Variants in PPP2R2B observed in about 807,000 individuals in gnomAD.
The protein encoded by PPP2R2B is serine/threonine-protein phosphatase 2A 55 kDa regulatory subunit B beta isoform.
PPP2R2B carries 5 observed loss-of-function variants against 46.0 expected under a neutral mutation model. The observed-to-expected ratio is 0.11, with a 90% confidence interval of 0.06 to 0.23. PPP2R2B has a LOEUF of 0.23. Among genes scored for constraint, PPP2R2B ranks in the 10% least tolerant of loss-of-function variants. The pLI, the probability that PPP2R2B is intolerant of heterozygous loss-of-function variation, is 1.00. For synonymous variants in PPP2R2B, 215 were observed against 206.7 expected (o/e 1.04, Z -0.34); for missense variants, 367 against 575.0 (o/e 0.64, Z 3.70).
At chr5:146,743,338 T>C (rs1752991354) in intron 2 of PPP2R2B, among the ~76,000 whole-genome samples, 1 of 152,192 alleles carries the variant, frequency 6.6e-6, no homozygotes, top group African/African-American at 2.4e-5. Context: ...GATTTATATA[T>C]TCCCTTCATG....
intron 2 of PPP2R2B, among the ~76,000 whole-genome samples, chr5:147,070,987 T>C (rs1251267359): frequency 1.3e-5 from 2 of 151,944 alleles, no homozygotes; most frequent in Non-Finnish European, 2.9e-5. Flanking sequence ...AGACTCCGTC[T>C]TGAAAAAAAT....
At chr5:146,604,610 A>G (rs1039941302) in intron 7 of PPP2R2B, among the ~76,000 whole-genome samples, 8 of 152,234 alleles carry the variant, frequency 5.3e-5, no homozygotes, top group Non-Finnish European at 7.3e-5. Context: ...GGAGACCCCA[A>G]TAGTAACAGT....
chr5:146,836,606 T>G (rs1015922373), intron 2 of PPP2R2B, among the ~76,000 whole-genome samples: 1 of 152,164 alleles, frequency 6.6e-6, no homozygotes, highest in African/African-American at 2.4e-5. Flanking sequence ...GACAGAGACT[T>G]TGAGGTTCTG....
In PPP2R2B at chr5:146,837,698, AT is replaced by A. The variant is rs554394551; in HGVS notation, c.70+40303del. ...ACATTATTGTTGAGATATTTTATATATTTTTTTGTACTAAGTCTTCTAAATC... is the reference window on the plus strand; with the variant it reads ...ACATTATTGTTGAGATATTTTATATATTTTTTGTACTAAGTCTTCTAAATC... On this transcript the variant is annotated intron_variant, in intron 2 of 9. Coordinates refer to ENST00000394411, the MANE Select transcript of PPP2R2B (RefSeq NM_181675.4). Among the ~76,000 whole-genome samples the A allele has an allele frequency of 2.0e-3, 307 of 152,312 alleles. 1 individual carries two copies. Among genetic ancestry groups the A allele is most frequent in the African/African-American group, 6.6e-3 (275 of 41,556 alleles).
intron 5 of PPP2R2B, among the ~76,000 whole-genome samples, chr5:146,673,874 T>A (rs1235338180): frequency 6.6e-6 from 1 of 152,166 alleles, no homozygotes; most frequent in Non-Finnish European, 1.5e-5. Flanking sequence ...TTTTTCATCA[T>A]CATCTTATCT....
chr5:146,823,844 T>A (rs1419786893), intron 2 of PPP2R2B, among the ~76,000 whole-genome samples: 1 of 152,190 alleles, frequency 6.6e-6, no homozygotes, highest in Non-Finnish European at 1.5e-5. Context: ...AGTCCCTGTT[T>A]GCCTCATTTC....
chr5:146,761,777 G>A (rs972413423), intron 2 of PPP2R2B, among the ~76,000 whole-genome samples: 3 of 152,138 alleles, frequency 2.0e-5, no homozygotes, highest in African/African-American at 7.2e-5. Flanking sequence ...ACAGTATGAG[G>A]AGATGTTTGT....
At chr5:146,819,925 T>C (rs1758155071) in intron 2 of PPP2R2B, among the ~76,000 whole-genome samples, 1 of 152,184 alleles carries the variant, frequency 6.6e-6, no homozygotes, top group Non-Finnish European at 1.5e-5. Context: ...TGCAGCAACA[T>C]GGATGAGCCC....
chr5:146,837,119 C>T (rs1234731287), intron 2 of PPP2R2B, among the ~76,000 whole-genome samples: 1 of 152,166 alleles, frequency 6.6e-6, no homozygotes, highest in African/African-American at 2.4e-5. Flanking sequence ...TTCAACTTTA[C>T]GATGATGCAA....
chr5:146,658,719 T>C (rs555626031), intron 5 of PPP2R2B, among the ~76,000 whole-genome samples: 2 of 152,242 alleles, frequency 1.3e-5, no homozygotes, highest in Non-Finnish European at 2.9e-5. Flanking sequence ...ATAGAAGATG[T>C]ACTTTAACTT....
chr5:146,983,981 GTATT>G (rs1248263691), intron 1 of PPP2R2B, among the ~76,000 whole-genome samples: 18 of 151,704 alleles, frequency 1.2e-4, no homozygotes, highest in South Asian at 4.2e-4. Flanking sequence ...ATAACTAAAT[GTATT>G]TATGTGGTAC....
intron 4 of PPP2R2B, among the ~76,000 whole-genome samples, chr5:146,695,961 C>G (rs1779149760): frequency 6.6e-6 from 1 of 152,076 alleles, no homozygotes. Context: ...GAAACAGTAT[C>G]CCAAATGGGA....
At chr5:146,974,374 G>T (rs148542883) in intron 1 of PPP2R2B, among the ~76,000 whole-genome samples, 1 of 152,272 alleles carries the variant, frequency 6.6e-6, no homozygotes, top group African/African-American at 2.4e-5. Flanking sequence ...AGAAAATGGA[G>T]GTCCAAGGAG....
intron 2 of PPP2R2B, among the ~76,000 whole-genome samples, chr5:146,715,002 T>C (rs1473526227): frequency 6.6e-6 from 1 of 152,342 alleles, no homozygotes; most frequent in East Asian, 1.9e-4. Context: ...TTTAAAGTGA[T>C]GAGAAATCTA....
chr5:146,658,910 C>T (rs463195), intron 5 of PPP2R2B, among the ~76,000 whole-genome samples: 116,334 of 152,068 alleles, frequency 0.77, 45,889 homozygotes, highest in Non-Finnish European at 0.86. Flanking sequence ...TATGTTTATG[C>T]TGTTTTGATG....
chr5:146,628,774 T>A (rs1774228712), intron 7 of PPP2R2B, among the ~76,000 whole-genome samples: 1 of 152,218 alleles, frequency 6.6e-6, no homozygotes, highest in Non-Finnish European at 1.5e-5. Flanking sequence ...TTAAAGTAAC[T>A]AATTAATGGA....
intron 5 of PPP2R2B, among the ~76,000 whole-genome samples, chr5:146,655,751 G>T (rs1464872836): frequency 6.6e-6 from 1 of 152,146 alleles, no homozygotes; most frequent in African/African-American, 2.4e-5. Flanking sequence ...TTCAGCGAGG[G>T]CGATCACGCT....
intron 1 of PPP2R2B, among the ~76,000 whole-genome samples, chr5:146,963,159 C>A (rs1240242686): frequency 1.3e-5 from 2 of 152,132 alleles, no homozygotes; most frequent in Non-Finnish European, 2.9e-5. Flanking sequence ...TCCTATGAGT[C>A]CTTATACAAC....
intron 6 of PPP2R2B, among the ~76,000 whole-genome samples, chr5:146,642,746 G>C (rs1403270031): frequency 1.3e-5 from 2 of 152,176 alleles, no homozygotes; most frequent in African/African-American, 2.4e-5. Flanking sequence ...TTTTAATAAA[G>C]TTGTATTTCA....
Sources: allele counts gnomAD v4.1 joint callset (sites outside exome capture counted in the v4.1 genomes callset), GRCh38; gene constraint gnomAD v4.1.1; transcripts MANE v1.5; gene names NCBI Gene and HGNC (gene_info 2026-07-23, HGNC 2026-07-21).